E2F3: variants seen among roughly 807,000 people sequenced by gnomAD.
E2F3 encodes E2F transcription factor 3.
In E2F3, 11 loss-of-function variants were observed where a neutral mutation model predicts 44.4. The observed-to-expected ratio is 0.25, with a 90% CI of 0.16 to 0.41. E2F3 has a LOEUF of 0.41. Among genes scored for constraint, E2F3 ranks in the 10% least tolerant of loss-of-function variants. The pLI, the probability that E2F3 is intolerant of heterozygous loss-of-function variation, is 1.00. For synonymous variants in E2F3, 249 were observed against 253.0 expected (o/e 0.98, Z 0.15); for missense variants, 487 against 583.6 (o/e 0.83, Z 1.70).
chr6:20,489,387 C>G (rs1421895548), intron 6 of E2F3, among the ~76,000 whole-genome samples: 1 of 152,002 alleles, frequency 6.6e-6, no homozygotes, highest in Non-Finnish European at 1.5e-5. Flanking sequence ...CGCTTGAGCC[C>G]AGGAGTTCGA....
intron 1 of E2F3, among the ~76,000 whole-genome samples, chr6:20,459,721 TC>T (rs1761435524): frequency 6.6e-6 from 1 of 152,170 alleles, no homozygotes; most frequent in African/African-American, 2.4e-5. Flanking sequence ...GGCGGGCAGA[TC>T]ACTTGAGTCC....
chr6:20,472,156 T>C (rs1287610016), intron 1 of E2F3, among the ~76,000 whole-genome samples: 1 of 79,280 alleles, frequency 1.3e-5, no homozygotes, highest in East Asian at 2.8e-4. Context: ...CCTTGGTTCA[T>C]TCAAAATAAA....
chr6:20,488,016 G>T, intron 5 of E2F3, 97 bp from the exon 6 acceptor site: 1 of 1,545,952 alleles, frequency 6.5e-7, no homozygotes, highest in South Asian at 1.2e-5. Context: ...AGTGAAAAAC[G>T]AACATTGTTC....
intron 1 of E2F3, chr6:20,440,184 G>A (rs1760727565): frequency 6.6e-6 from 1 of 152,178 alleles, no homozygotes; most frequent in African/African-American, 2.4e-5. Context: ...TCTTATTTAA[G>A]GGAGTTGTTT....
chr6:20,432,025 A>G (rs1003012655), intron 1 of E2F3, among the ~76,000 whole-genome samples: 13 of 152,224 alleles, frequency 8.5e-5, no homozygotes, highest in Admixed American at 3.3e-4. Flanking sequence ...GCTTACCCCA[A>G]TGGCCTCTTT....
intron 1 of E2F3, among the ~76,000 whole-genome samples, chr6:20,447,101 A>G (rs1245191875): frequency 6.6e-6 from 1 of 152,164 alleles, no homozygotes; most frequent in Non-Finnish European, 1.5e-5. Flanking sequence ...ATTAGCTTGC[A>G]TCTTGTCAGG....
chr6:20,433,429 C>G (rs1760470655), intron 1 of E2F3, among the ~76,000 whole-genome samples: 1 of 152,194 alleles, frequency 6.6e-6, no homozygotes, highest in Non-Finnish European at 1.5e-5. Flanking sequence ...TGTGACTACC[C>G]TCTAACTGAA....
chr6:20,417,992 A>G (rs1399224467), intron 1 of E2F3, among the ~76,000 whole-genome samples: 2 of 152,066 alleles, frequency 1.3e-5, no homozygotes, highest in African/African-American at 4.8e-5. Flanking sequence ...AGGCTGGGGG[A>G]GGAAGGCAAG....
intron 1 of E2F3, among the ~76,000 whole-genome samples, chr6:20,415,529 T>C (rs992487198): frequency 2.6e-5 from 4 of 152,164 alleles, no homozygotes; most frequent in African/African-American, 9.7e-5. Context: ...CGAAATTATC[T>C]TCACACTGTC....
intron 5 of E2F3, among the ~76,000 whole-genome samples, chr6:20,487,232 A>T (rs2127626427): frequency 6.6e-6 from 1 of 152,348 alleles, no homozygotes; most frequent in South Asian, 2.1e-4. Context: ...TAGCTGATAG[A>T]CTAGAATATT....
chr6:20,452,036 G>A (rs1313166041), intron 1 of E2F3, among the ~76,000 whole-genome samples: 1 of 152,118 alleles, frequency 6.6e-6, no homozygotes, highest in East Asian at 1.9e-4. Flanking sequence ...TCTCTGCCAG[G>A]TTTCGGTATA....
At chr6:20,414,899 T>A (rs1381394930) in intron 1 of E2F3, among the ~76,000 whole-genome samples, 1 of 152,228 alleles carries the variant, frequency 6.6e-6, no homozygotes, top group Non-Finnish European at 1.5e-5. Flanking sequence ...TGTGACCTTT[T>A]ATAAATTACA....
intron 1 of E2F3, among the ~76,000 whole-genome samples, chr6:20,406,721 A>G (rs1341599613): frequency 6.6e-6 from 1 of 152,206 alleles, no homozygotes; most frequent in Non-Finnish European, 1.5e-5. Context: ...CACTCCGTCC[A>G]TGATTCCACA....
At chr6:20,421,009 G>A (rs1760008694) in intron 1 of E2F3, among the ~76,000 whole-genome samples, 1 of 152,122 alleles carries the variant, frequency 6.6e-6, no homozygotes, top group African/African-American at 2.4e-5. Flanking sequence ...TTTCAACATT[G>A]TTCACAGTCA....
chr6:20,445,142 C>G, intron 1 of E2F3: 1 of 985,374 alleles, frequency 1.0e-6, no homozygotes, highest in Non-Finnish European at 1.2e-6. Context: ...GTAAGAATCC[C>G]TAGTGGCAGC....
intron 1 of E2F3, among the ~76,000 whole-genome samples, chr6:20,411,708 C>T (rs77577706): frequency 0.018 from 2,790 of 152,286 alleles, 85 homozygotes; most frequent in African/African-American, 0.063. Flanking sequence ...TTGCCCTCCT[C>T]CCACTGGCCC....
intron 1 of E2F3, among the ~76,000 whole-genome samples, chr6:20,478,215 G>T (rs1762108879): frequency 6.6e-6 from 1 of 151,782 alleles, no homozygotes; most frequent in Non-Finnish European, 1.5e-5. Flanking sequence ...AATAAAATCA[G>T]TGGAAACGGA....
chr6:20,421,583 A>G (rs1349826608), intron 1 of E2F3: 1 of 152,232 alleles, frequency 6.6e-6, no homozygotes, highest in African/African-American at 2.4e-5. Flanking sequence ...GTTATCAACA[A>G]TGGGCTTAAA....
chr6:20,462,884 TTTTTTTTTTTTTG>T (rs1761569551), intron 1 of E2F3, among the ~76,000 whole-genome samples: 2 of 113,568 alleles, frequency 1.8e-5, no homozygotes, highest in African/African-American at 7.4e-5. Flanking sequence ...TTTTTTTTTT[TTTTTTTTTTTTTG>T]AGACAGGGTC....
Sources: gnomAD v4.1 joint callset for allele counts (sites outside exome capture counted in the v4.1 genomes callset) on GRCh38, gnomAD v4.1.1 for gene constraint, MANE v1.5 for transcripts, NCBI Gene and HGNC (gene_info 2026-07-23, HGNC 2026-07-21) for gene names.